The following GAS2 variants were observed in gnomAD, a reference collection of about 807,000 sequenced individuals.
The protein encoded by GAS2 is growth arrest-specific protein 2.
Under a neutral mutation model 37.5 loss-of-function variants are expected in GAS2, and 20 were observed. The observed-to-expected ratio is 0.53, with a 90% confidence interval of 0.37 to 0.77. The LOEUF is 0.77. Among genes scored for constraint, GAS2 ranks in the 30% least tolerant of loss-of-function variants. The pLI is 0.00. For missense variants in GAS2, 336 were observed against 373.4 expected (o/e 0.90, Z 0.82); for synonymous variants, 144 against 132.2 (o/e 1.09, Z -0.61).
At position 22,674,914 on chromosome 11, in the gene GAS2, C is replaced by G. The variant is rs751199626; in HGVS notation, c.45C>G (p.Leu15=). 44 of 1,613,730 alleles carry G rather than the reference C, an allele frequency of 2.7e-5. No homozygotes were observed. Among genetic ancestry groups the G allele is most frequent in the Non-Finnish European group, 3.7e-5 (44 of 1,179,798 alleles). The change falls in exon 2 of 8, where the codon CTC becomes CTG. Residue 15 remains leucine, a synonymous_variant. Transcript: ENST00000454584. ...CAAAGGTACGCAGTGGACCTGGCCT[C>G]TCTGATATGCATCAGTATAGCCAAT... ...LSPKVRSGPG[L]SDMHQYSQWL...
chr11:22,640,302 T>A (rs1030878785), intron 1 of GAS2, among the ~76,000 whole-genome samples: 1 of 152,342 alleles, frequency 6.6e-6, no homozygotes, highest in East Asian at 1.9e-4. Flanking sequence ...ATGTATATTC[T>A]ACAAATTAGA....
intron 7 of GAS2, among the ~76,000 whole-genome samples, chr11:22,762,399 GA>G (rs1192207647): frequency 6.6e-6 from 1 of 151,974 alleles, no homozygotes; most frequent in East Asian, 1.9e-4. Context: ...TATTACAGGT[GA>G]AAAAATAAAG....
At chr11:22,800,645 A>G (rs1032685827) in intron 7 of GAS2, among the ~76,000 whole-genome samples, 21 of 152,052 alleles carry the variant, frequency 1.4e-4, no homozygotes, top group African/African-American at 4.6e-4. Flanking sequence ...CACCAGCACA[A>G]TATTAGAGAC....
Position 22,812,011 on chromosome 11 carries a change from A to C in GAS2, c.937A>C (p.Lys313Gln). 6.2e-7 allele frequency: 1 copy of C among 1,613,210 alleles called. No homozygotes were observed. The highest frequency in any genetic ancestry group is 8.5e-7 in the Non-Finnish European group (1 of 1,179,196). Reference sequence around the variant, plus strand: ...CAGTTATAAGGCTAAGAAGGAAATTAAGTGAAACAAATTGGTCATGACAAG... The same window carrying C: ...CAGTTATAAGGCTAAGAAGGAAATTCAGTGAAACAAATTGGTCATGACAAG... ...SASYKAKKEI[K>Q] Residue 313 changes from lysine (K) to glutamine (Q), a missense_variant, in exon 8 of 8, where the codon AAG (lysine) becomes CAG (glutamine). Transcript: ENST00000454584.
chr11:22,663,425 T>TA (rs1172861174), upstream of GAS2, among the ~76,000 whole-genome samples: 5 of 151,244 alleles, frequency 3.3e-5, no homozygotes, highest in Admixed American at 3.3e-4. Context: ...AATAAAAAAA[T>TA]AAAAAATAAA....
At chr11:22,710,807 G>A (rs1000201398) in intron 3 of GAS2, among the ~76,000 whole-genome samples, 1 of 152,098 alleles carries the variant, frequency 6.6e-6, no homozygotes, top group Non-Finnish European at 1.5e-5. Flanking sequence ...AGGAGAAAAA[G>A]AAATCACTGT....
At chr11:22,776,143 C>T (rs2134455113) in intron 7 of GAS2, among the ~76,000 whole-genome samples, 1 of 152,238 alleles carries the variant, frequency 6.6e-6, no homozygotes, top group East Asian at 1.9e-4. Context: ...GTGCCTGGAA[C>T]TGGTGTCATG....
intron 7 of GAS2, among the ~76,000 whole-genome samples, chr11:22,791,797 T>G (rs1856177123): frequency 6.6e-6 from 1 of 152,190 alleles, no homozygotes; most frequent in Non-Finnish European, 1.5e-5. Context: ...GAAACCAAAG[T>G]GTTGGCAACT....
intron 3 of GAS2, among the ~76,000 whole-genome samples, chr11:22,715,062 A>T (rs1290158437): frequency 6.6e-6 from 1 of 152,212 alleles, no homozygotes; most frequent in Non-Finnish European, 1.5e-5. Flanking sequence ...TACAAAATAT[A>T]AATGAAACAA....
chr11:22,811,123 T>G (rs953798697), intron 7 of GAS2, among the ~76,000 whole-genome samples: 4 of 152,164 alleles, frequency 2.6e-5, no homozygotes, highest in African/African-American at 9.7e-5. Flanking sequence ...TTCTTCACAT[T>G]TAAATCAATA....
chr11:22,700,066 T>G (rs1295121773), intron 3 of GAS2, among the ~76,000 whole-genome samples: 1 of 152,196 alleles, frequency 6.6e-6, no homozygotes, highest in Non-Finnish European at 1.5e-5. Context: ...TTCTTACGGT[T>G]TGTCCATCTG....
chr11:22,751,332 G>T (rs530793437), intron 6 of GAS2, among the ~76,000 whole-genome samples: 9 of 152,028 alleles, frequency 5.9e-5, no homozygotes, highest in South Asian at 2.1e-4. Flanking sequence ...CCTATATAAA[G>T]ATTTTTCTGG....
At chr11:22,716,031 G>T (rs748543759) in intron 3 of GAS2, among the ~76,000 whole-genome samples, 2 of 151,918 alleles carry the variant, frequency 1.3e-5, no homozygotes, top group Non-Finnish European at 2.9e-5. Flanking sequence ...GGGATGCAGG[G>T]GTGGTTTAAG....
intron 3 of GAS2, among the ~76,000 whole-genome samples, chr11:22,724,058 T>A (rs1852075959): frequency 6.6e-6 from 1 of 151,970 alleles, no homozygotes; most frequent in Non-Finnish European, 1.5e-5. Context: ...GAATTATTTC[T>A]AAATTTACAT....
At chr11:22,738,931 C>A (rs1852899538) in intron 5 of GAS2, among the ~76,000 whole-genome samples, 2 of 152,122 alleles carry the variant, frequency 1.3e-5, no homozygotes, top group African/African-American at 2.4e-5. Flanking sequence ...CTTACCTCAA[C>A]ATGGAGTAAA....
intron 1 of GAS2, among the ~76,000 whole-genome samples, chr11:22,672,906 A>G (rs1849260855): frequency 6.6e-6 from 1 of 152,124 alleles, no homozygotes; most frequent in African/African-American, 2.4e-5. Context: ...TATGGATAAC[A>G]TCATTATTAA....
At chr11:22,742,527 C>T (rs945469425) in intron 5 of GAS2, among the ~76,000 whole-genome samples, 3 of 152,090 alleles carry the variant, frequency 2.0e-5, no homozygotes, top group Non-Finnish European at 4.4e-5. Context: ...GCCAGTGAAT[C>T]GTATTTAAGT....
intron 6 of GAS2, among the ~76,000 whole-genome samples, chr11:22,752,998 A>G (rs1211600703): frequency 2.0e-5 from 3 of 152,114 alleles, no homozygotes; most frequent in Non-Finnish European, 4.4e-5. Context: ...AGTCAGGTTT[A>G]GTTCTCCTCT....
intron 5 of GAS2, among the ~76,000 whole-genome samples, chr11:22,743,011 A>C (rs1853175507): frequency 1.3e-5 from 2 of 152,246 alleles, no homozygotes; most frequent in Admixed American, 6.5e-5. Context: ...TTCTTTTAAG[A>C]CCATTAAACA....
Sources: gnomAD v4.1 joint callset for allele counts (sites outside exome capture counted in the v4.1 genomes callset) on GRCh38, gnomAD v4.1.1 for gene constraint, MANE v1.5 for transcripts, NCBI Gene and HGNC (gene_info 2026-07-23, HGNC 2026-07-21) for gene names.